The following CPXM1 variants were observed in gnomAD, a reference collection of about 807,000 sequenced individuals.
The protein encoded by CPXM1 is probable carboxypeptidase X1.
In CPXM1, 72 loss-of-function variants were observed where a neutral mutation model predicts 80.4. That is an observed-to-expected ratio of 0.90 (90% CI 0.74 to 1.09). CPXM1 has a LOEUF of 1.09. CPXM1 is among the 50% of genes least tolerant of loss of function. The pLI, the probability that CPXM1 is intolerant of heterozygous loss-of-function variation, is 0.00. For synonymous variants in CPXM1, 403 were observed against 405.6 expected (o/e 0.99, Z 0.08); for missense variants, 892 against 999.4 (o/e 0.89, Z 1.45).
Position 2,800,590 on chromosome 20 carries a change from A to G in CPXM1, c.-18T>C. 1 of 1,326,700 alleles carries G rather than the reference A, an allele frequency of 7.5e-7. No individual in the cohort carries two copies. The highest frequency in any genetic ancestry group is 2.0e-5 in the South Asian group (1 of 50,502). The allele number at this position is 1,326,700 out of a possible 1,614,324, so 82.2% of individuals were successfully genotyped here. On this transcript the variant is annotated 5_prime_UTR_variant, in exon 1 of 14. Transcript: ENST00000380605. ...CCCCACATGGCGGGGATTGAGTGCC[A>G]GGGGCGCGCGGGCTACGGCGGGTGG...
At chr20:2,798,384 C>G in intron 3 of CPXM1, 44 bp downstream of exon 3, 1 of 1,601,880 alleles carries the variant, frequency 6.2e-7, no homozygotes, top group Admixed American at 1.7e-5. Flanking sequence ...CCAGGGGCTG[C>G]CTTCCCTACC....
rs1053328507 is a variant in CPXM1 at position 2,794,806 on chromosome 20, C to T, written c.1861-167G>A. Reference sequence around the variant, plus strand: ...AAAAAAAAAAAGAAATCCTGATTGACAAATCACATCTGGACTAAGAAAATG... The same window carrying T: ...AAAAAAAAAAAGAAATCCTGATTGATAAATCACATCTGGACTAAGAAAATG... On this transcript the variant is annotated intron_variant, in intron 12 of 13. Transcript: ENST00000380605. This position sits in a 1 kb window ranked among gnomAD's most constrained non-coding sequence, Gnocchi z 5.2. 3.3e-5 allele frequency among the ~76,000 whole-genome samples: 5 copies of T among 151,922 alleles called. No homozygotes were observed. The highest frequency in any genetic ancestry group is 2.6e-4 in the Admixed American group (4 of 15,260).
chr20:2,795,517 G>T lies in CPXM1; in HGVS notation c.1720+82C>A. ...GGGACACTTCAGAGTGGGAACAGACGCCAGCACTGTACGCAACCGCAGGCT... is the reference window on the plus strand; with the variant it reads ...GGGACACTTCAGAGTGGGAACAGACTCCAGCACTGTACGCAACCGCAGGCT... On this transcript the variant is annotated intron_variant, in intron 11 of 13. Transcript: ENST00000380605. The surrounding 1 kb of genome is among the most constrained non-coding windows in gnomAD (Gnocchi z 5.4). The T allele has an allele frequency of 6.3e-7, 1 of 1,586,676 alleles. No homozygotes were observed. The highest frequency in any genetic ancestry group is 8.6e-7 in the Non-Finnish European group (1 of 1,163,072).
At position 2,797,047 on chromosome 20, in the gene CPXM1, G is replaced by C; in HGVS notation, c.880C>G (p.Pro294Ala). Reference protein sequence around the residue: ...LEAPASGSSDPLDFQHHNYKA... With the variant: ...LEAPASGSSDALDFQHHNYKA... ...TAATTGTGATGCTGAAAGTCTAGAG[G>C]GTCAGAGGATCCCGACGCAGGGGCC... The change falls in exon 7 of 14, where the codon CCT becomes GCT. Residue 294 changes from proline to alanine, a missense_variant. By Grantham distance (27) the Pro-to-Ala change is conservative. This residue lies in a region of CPXM1 where 874 missense variants were observed against 958.4 expected (regional missense o/e 0.91). Coordinates refer to ENST00000380605, the MANE Select transcript of CPXM1 (RefSeq NM_019609.5). 6.2e-7 allele frequency: 1 copy of C among 1,614,058 alleles called. No individual in the cohort carries two copies. Among genetic ancestry groups the C allele is most frequent in the Non-Finnish European group, 8.5e-7 (1 of 1,179,986 alleles).
rs895461714 is a variant in CPXM1, at chr20:2,794,078, G to C, written c.*112C>G. 4.7e-5 allele frequency: 68 copies of C among 1,435,070 alleles called. 1 individual carries two copies. The South Asian group carries it at 9.1e-4, about 19-fold the overall frequency. The allele number at this position is 1,435,070 out of a possible 1,614,324, so 88.9% of individuals were successfully genotyped here. ...AGAGACAACACGAAGATGAGCTAAGGTGCCCGGTAGCTTTAATGAGCACCT... is the reference window on the plus strand; with the variant it reads ...AGAGACAACACGAAGATGAGCTAAGCTGCCCGGTAGCTTTAATGAGCACCT... On this transcript the variant is annotated 3_prime_UTR_variant, in exon 14 of 14. Coordinates refer to ENST00000380605, the MANE Select transcript of CPXM1 (RefSeq NM_019609.5). The surrounding 1 kb of genome is among the most constrained non-coding windows in gnomAD (Gnocchi z 5.2).
Position 2,795,363 on chromosome 20 carries a change from G to A in CPXM1, c.1774C>T (p.Leu592=), listed in dbSNP as rs761830537. 14 of 1,614,188 alleles carry A rather than the reference G, an allele frequency of 8.7e-6. No individual in the cohort carries two copies. Among genetic ancestry groups the A allele is most frequent in the African/African-American group, 1.3e-5 (1 of 75,050 alleles). The change falls in exon 12 of 14, where the codon CTG becomes TTG. Residue 592 remains leucine (L), a synonymous_variant. Transcript: ENST00000380605. This position sits in a 1 kb window ranked among gnomAD's most constrained non-coding sequence, Gnocchi z 5.4. ...HTNCFEVTVE[L]SCDKFPHENE... Reference sequence around the variant, plus strand: ...TCGTGAGGGAACTTGTCACAGGACAGCTCCACAGTGACCTCAAAGCAGTTG... The same window carrying A: ...TCGTGAGGGAACTTGTCACAGGACAACTCCACAGTGACCTCAAAGCAGTTG...
chr20:2,795,521 G>A lies in CPXM1; in HGVS notation c.1720+78C>T. 1.3e-6 allele frequency: 2 copies of A among 1,586,998 alleles called. No homozygotes were observed. Among genetic ancestry groups the A allele is most frequent in the Non-Finnish European group, 1.7e-6 (2 of 1,163,380 alleles). ...CACTTCAGAGTGGGAACAGACGCCAGCACTGTACGCAACCGCAGGCTGTCT... is the reference window on the plus strand; with the variant it reads ...CACTTCAGAGTGGGAACAGACGCCAACACTGTACGCAACCGCAGGCTGTCT... On this transcript the variant is annotated intron_variant, in intron 11 of 13. Transcript: ENST00000380605. The surrounding 1 kb of genome is among the most constrained non-coding windows in gnomAD (Gnocchi z 5.4).
intron 4 of CPXM1, 33 bp from the exon 5 acceptor site, chr20:2,798,091 C>A: frequency 6.2e-7 from 1 of 1,613,050 alleles, no homozygotes; most frequent in Non-Finnish European, 8.5e-7. Flanking sequence ...ATCATCGGTG[C>A]CCCCAGGACT....
Position 2,796,987 on chromosome 20 carries a change from C to A in CPXM1, c.921+19G>T, listed in dbSNP as rs1273424109. 2.5e-6 allele frequency: 4 copies of A among 1,611,042 alleles called. No homozygotes were observed. Among genetic ancestry groups the A allele is most frequent in the South Asian group, 2.2e-5 (2 of 90,874 alleles). ...GATGGGTGGGCCCTCCTTCCCAGGTCATAGGGGTTATATCTGACCTTCCTC... is the reference window on the plus strand; with the variant it reads ...GATGGGTGGGCCCTCCTTCCCAGGTAATAGGGGTTATATCTGACCTTCCTC... On this transcript the variant is annotated intron_variant, in intron 7 of 13. Coordinates refer to ENST00000380605, the MANE Select transcript of CPXM1 (RefSeq NM_019609.5). The surrounding 1 kb of genome is among the most constrained non-coding windows in gnomAD (Gnocchi z 6.8).
Position 2,796,440 on chromosome 20 carries a change from TC to T in CPXM1, c.1048del (p.Glu350SerfsTer24). 1 of 1,613,816 alleles carries T rather than the reference TC, an allele frequency of 6.2e-7. No individual in the cohort carries two copies. Among genetic ancestry groups the T allele is most frequent in the Non-Finnish European group, 8.5e-7 (1 of 1,179,864 alleles). On this transcript the variant is annotated frameshift_variant and splice_region_variant, in exon 9 of 14. Transcript: ENST00000380605. LOFTEE classifies it high-confidence loss of function. The surrounding 1 kb of genome is among the most constrained non-coding windows in gnomAD (Gnocchi z 6.8). ...SDKPGEHELG[E>X]PEVRYVAGMH... ...GCCAGCCACGTAGCGCACCTCAGGC[TC>T]CCCTGGGGACACATGGGGGCTTGCA...
Position 2,796,773 on chromosome 20 carries a change from G to A in CPXM1, c.922-123C>T, listed in dbSNP as rs983988906. 2.9e-6 allele frequency: 4 copies of A among 1,377,168 alleles called. No homozygotes were observed. The Admixed American group carries it at 8.4e-5, about 29-fold the overall frequency. 85.3% of individuals were successfully genotyped at this position (1,377,168 alleles called of 1,614,324 possible). On this transcript the variant is annotated intron_variant, in intron 7 of 13. Coordinates refer to ENST00000380605, the MANE Select transcript of CPXM1 (RefSeq NM_019609.5). The surrounding 1 kb of genome is among the most constrained non-coding windows in gnomAD (Gnocchi z 6.8). ...CCACACAGAGGGGGCATCCCATCATGGTACAGGAGGGGAGCGGCAGCAGAG... is the reference window on the plus strand; with the variant it reads ...CCACACAGAGGGGGCATCCCATCATAGTACAGGAGGGGAGCGGCAGCAGAG...
Position 2,794,317 on chromosome 20 carries a change from G to A in CPXM1, c.2078C>T (p.Pro693Leu). 4 of 1,614,174 alleles carry A rather than the reference G, an allele frequency of 2.5e-6. No homozygotes were observed. Among genetic ancestry groups the A allele is most frequent in the Non-Finnish European group, 3.4e-6 (4 of 1,180,042 alleles). Residue 693 changes from proline (P) to leucine (L), a missense_variant, in exon 14 of 14, where the codon CCC (proline) becomes CTC (leucine). Physicochemically the swap from Pro to Leu is moderately conservative, Grantham distance 98. Coordinates refer to ENST00000380605, the MANE Select transcript of CPXM1 (RefSeq NM_019609.5). This position sits in a 1 kb window ranked among gnomAD's most constrained non-coding sequence, Gnocchi z 5.2. ...GGTGAGCACGAAATTGCAGGGGAAG[G>A]GGCCCTCTTCAAAGGTGACCCGACA... ...RNCRVTFEEG[P>L]FPCNFVLTKT...
At chr20:2,800,088 T>C (rs215544) in intron 1 of CPXM1, among the ~76,000 whole-genome samples, 23,112 of 151,828 alleles carry the variant, frequency 0.15, 2,188 homozygotes, top group South Asian at 0.29. Flanking sequence ...AGTGTGTATA[T>C]GTGTGTGTGC....
chr20:2,798,261 C>G lies in CPXM1; in HGVS notation c.481G>C (p.Gly161Arg). Residue 161 changes from glycine to arginine, a missense_variant, in exon 4 of 14, where the codon GGA (glycine) becomes CGA (arginine). By Grantham distance (125) the Gly-to-Arg change is moderately radical. Around this residue, in one of 2 missense-constraint regions of CPXM1, gnomAD observed 874 missense variants for 958.4 expected, o/e 0.91. Coordinates refer to ENST00000380605, the MANE Select transcript of CPXM1 (RefSeq NM_019609.5). ...TCCTGCTCCTCAGCACACCAGGCTCCATCATATAGATCGCCGTCCTCCAGG... is the reference window on the plus strand; with the variant it reads ...TCCTGCTCCTCAGCACACCAGGCTCGATCATATAGATCGCCGTCCTCCAGG... ...SGLEDGDLYD[G>R]AWCAEEQDAD... The G allele has an allele frequency of 6.2e-7, 1 of 1,613,986 alleles. No homozygotes were observed. Among genetic ancestry groups the G allele is most frequent in the Non-Finnish European group, 8.5e-7 (1 of 1,180,032 alleles).
At position 2,796,349 on chromosome 20, in the gene CPXM1, C is replaced by T. The variant is rs193272323; in HGVS notation, c.1140G>A (p.Glu380=). 1.2e-4 allele frequency: 194 copies of T among 1,614,126 alleles called. No individual in the cohort carries two copies. Among genetic ancestry groups the T allele is most frequent in the Non-Finnish European group, 1.8e-5 (21 of 1,180,016 alleles). The change falls in exon 9 of 14, where the codon GAG becomes GAA. Residue 380 remains glutamate (E), a synonymous_variant. Transcript: ENST00000380605. The surrounding 1 kb of genome is among the most constrained non-coding windows in gnomAD (Gnocchi z 6.8). ...LLLLMQFLCH[E]FLRGNPRVTR... The stretch of plus-strand genomic sequence containing the variant: ...TCACCCGTGGGTTCCCTCGCAGGAA[C>T]TCATGGCACAGGAACTGCATCAGGA...
chr20:2,797,274 G>A lies in CPXM1; in HGVS notation c.750C>T (p.Arg250=). The A allele has an allele frequency of 6.4e-7, 1 of 1,570,112 alleles. No individual in the cohort carries two copies. Among genetic ancestry groups the A allele is most frequent in the Admixed American group, 1.8e-5 (1 of 54,170 alleles). ...LNLLPEPQVA[R]FIRLLPQTWL... ...AGGTCTGGGGCAGCAGGCGAATGAA[G>A]CGGGCCACCTGGGGCTCCGGCAGGA... The change falls in exon 6 of 14, where the codon CGC becomes CGT. Residue 250 remains arginine (R), a synonymous_variant. Transcript: ENST00000380605.
Position 2,796,675 on chromosome 20 carries a change from A to G in CPXM1, c.922-25T>C, listed in dbSNP as rs1235129780. On this transcript the variant is annotated intron_variant, in intron 7 of 13. Coordinates refer to ENST00000380605, the MANE Select transcript of CPXM1 (RefSeq NM_019609.5). This position sits in a 1 kb window ranked among gnomAD's most constrained non-coding sequence, Gnocchi z 6.8. ...GCTGGTGGGCAGAGTGTAGCGTGGC[A>G]TGAGGCATGGGAGGGGTACACCCAG... 6.2e-7 allele frequency: 1 copy of G among 1,613,002 alleles called. No homozygotes were observed. Among genetic ancestry groups the G allele is most frequent in the Non-Finnish European group, 8.5e-7 (1 of 1,179,328 alleles).
Position 2,798,520 on chromosome 20 carries a change from G to A in CPXM1, c.358C>T (p.Leu120=), listed in dbSNP as rs1344568585. The change falls in exon 3 of 14, where the codon CTG becomes TTG. Residue 120 remains leucine, a synonymous_variant. Transcript: ENST00000380605. ...CTATCTGAAACTCGCAGGGACTCCA[G>A]ACCCAAAGGAGGACAGCCTGGGGCG... ...KQETGCPPLG[L]ESLRVSDSRL... is the part of the protein sequence containing the mutation. The A allele has an allele frequency of 6.2e-7, 1 of 1,614,094 alleles. No individual in the cohort carries two copies. The highest frequency in any genetic ancestry group is 8.5e-7 in the Non-Finnish European group (1 of 1,179,936).
Position 2,798,142 on chromosome 20 carries a change from T to C in CPXM1, c.590+10A>G, listed in dbSNP as rs375910309. The C allele has an allele frequency of 6.8e-6, 11 of 1,613,728 alleles. No homozygotes were observed. Among genetic ancestry groups the C allele is most frequent in the Middle Eastern group, 1.6e-4 (1 of 6,082 alleles). ...CTGTGACCTCCTGACCTAGGGTTAGTCTGCCTCACCTCCAGACAGAGTTCC... is the reference window on the plus strand; with the variant it reads ...CTGTGACCTCCTGACCTAGGGTTAGCCTGCCTCACCTCCAGACAGAGTTCC... On this transcript the variant is annotated intron_variant, in intron 4 of 13. Transcript: ENST00000380605.
Sources: gnomAD v4.1 joint callset for allele counts (sites outside exome capture counted in the v4.1 genomes callset) on GRCh38, gnomAD v4.1.1 for gene constraint, gnomAD v4.1.1 regional missense constraint, Gnocchi (gnomAD v3.1) non-coding constraint, MANE v1.5 for transcripts, NCBI Gene and HGNC (gene_info 2026-07-23, HGNC 2026-07-21) for gene names.